The following MED13 variants were observed in gnomAD, a reference collection of about 807,000 sequenced individuals.
The protein encoded by MED13 is mediator complex subunit 13, also known as mediator of RNA polymerase II transcription subunit 13.
A neutral mutation model predicts 225.2 loss-of-function variants in MED13; 23 were observed. That is an observed-to-expected ratio of 0.10 (90% CI 0.07 to 0.14). MED13 has a LOEUF of 0.14. Ranked by LOEUF, MED13 falls within the 10% of genes least tolerant of loss-of-function variation. MED13 has a pLI of 1.00. For missense variants in MED13, 2,197 were observed against 2,594.5 expected, an observed-to-expected ratio of 0.85 and a Z score of 3.33; for synonymous variants, 942 against 889.2, an observed-to-expected ratio of 1.06 and a Z score of -1.06.
chr17:61,953,831 C>T (rs925266468), intron 26 of MED13, among the ~76,000 whole-genome samples: 2 of 152,158 alleles, frequency 1.3e-5, no homozygotes, highest in Non-Finnish European at 2.9e-5. Flanking sequence ...CTACAGTATT[C>T]CCCCTTATCC....
At chr17:62,019,695 C>A (rs1603403504) in intron 8 of MED13, among the ~76,000 whole-genome samples, 1 of 151,998 alleles carries the variant, frequency 6.6e-6, no homozygotes, top group African/African-American at 2.4e-5. Flanking sequence ...CTATACAGAC[C>A]TCTTTCTAAA....
chr17:61,970,302 A>G (rs1430634703), intron 17 of MED13, among the ~76,000 whole-genome samples: 1 of 152,210 alleles, frequency 6.6e-6, no homozygotes, highest in Non-Finnish European at 1.5e-5. Flanking sequence ...TATAATGGGA[A>G]ATAACCATTT....
rs966930431 is a variant in MED13 at position 61,951,906 on chromosome 17, C to CT, written c.6118-909dup. The stretch of plus-strand genomic sequence containing the variant: ...ATCACCAGTATATATAATTTCTTTT[C>CT]TTTTTTTTTGAGATGGAGTCTCGCT... On this transcript the variant is annotated intron_variant, in intron 27 of 29. Coordinates refer to ENST00000397786, the MANE Select transcript of MED13 (RefSeq NM_005121.3). Among the ~76,000 whole-genome samples the CT allele has an allele frequency of 4.7e-4, 71 of 151,280 alleles. 1 individual carries two copies. The highest frequency in any genetic ancestry group is 1.6e-3 in the African/African-American group (65 of 41,278).
chr17:61,966,117 A>G (rs2080055866), intron 19 of MED13, among the ~76,000 whole-genome samples: 1 of 152,230 alleles, frequency 6.6e-6, no homozygotes, highest in Non-Finnish European at 1.5e-5. Context: ...TTTTATCTCT[A>G]AACTGTAACA....
chr17:62,020,706 T>A (rs950839912), intron 8 of MED13, among the ~76,000 whole-genome samples: 1 of 146,430 alleles, frequency 6.8e-6, no homozygotes, highest in Non-Finnish European at 1.5e-5. Context: ...TTTTTTTTTT[T>A]AATTGATCAT....
chr17:61,995,280 T>C lies in MED13; in HGVS notation c.2053A>G (p.Ile685Val), dbSNP rs769609490. 6.2e-6 allele frequency: 10 copies of C among 1,613,866 alleles called. No individual in the cohort carries two copies. In the East Asian group the frequency reaches 6.7e-5, roughly 11 times the overall value. ...YQIKNQCLSAIASDAEQEPKI... is the reference protein window; with the variant it reads ...YQIKNQCLSAVASDAEQEPKI... Reference sequence around the variant, plus strand: ...GGTTCTTGTTCTGCATCAGATGCTATTGCTGAAAGACACTGGTTTTTAATT... The same window carrying C: ...GGTTCTTGTTCTGCATCAGATGCTACTGCTGAAAGACACTGGTTTTTAATT... Residue 685 changes from isoleucine to valine, a missense_variant, in exon 10 of 30, where the codon ATA becomes GTA. Ile to Val is a conservative substitution (Grantham distance 29). Coordinates refer to ENST00000397786, the MANE Select transcript of MED13 (RefSeq NM_005121.3).
Position 61,948,936 on chromosome 17 carries a change from A to G in MED13, c.6291+1889T>C, listed in dbSNP as rs1350787334. Among the ~76,000 whole-genome samples, 3 of 151,178 alleles carry G rather than the reference A, an allele frequency of 2.0e-5. No individual in the cohort carries two copies. The East Asian group carries it at 6.1e-4, about 31-fold the overall frequency. ...CCCATCTCTACTAAAAAAATACAAA[A>G]AATTAGCCGGGCGTAGTGGCGGGCG... On this transcript the variant is annotated intron_variant, in intron 28 of 29. Coordinates refer to ENST00000397786, the MANE Select transcript of MED13 (RefSeq NM_005121.3).
intron 4 of MED13, 95 bp downstream of exon 4, chr17:62,035,368 G>C: frequency 9.7e-7 from 1 of 1,034,718 alleles, no homozygotes. Flanking sequence ...CTAAAGATCA[G>C]GGGGAATTCC....
At chr17:62,040,513 T>C (rs2080844216) in intron 3 of MED13, among the ~76,000 whole-genome samples, 1 of 152,242 alleles carries the variant, frequency 6.6e-6, no homozygotes, top group African/African-American at 2.4e-5. Flanking sequence ...ACAGCAACAA[T>C]TCCATATGTA....
intron 16 of MED13, among the ~76,000 whole-genome samples, chr17:61,978,244 C>CTTTTTATTT (rs890194401): frequency 6.6e-6 from 1 of 151,054 alleles, no homozygotes; most frequent in East Asian, 1.9e-4. Flanking sequence ...TCCAAAACTG[C>CTTTTTATTT]TTTTTATTTT....
intron 8 of MED13, among the ~76,000 whole-genome samples, chr17:62,020,035 C>T (rs562857990): frequency 8.0e-4 from 122 of 152,138 alleles, no homozygotes; most frequent in African/African-American, 2.3e-3. Context: ...TGAACCACTG[C>T]GCAAGGCCAA....
At chr17:61,960,740 G>C in intron 23 of MED13, 127 bp downstream of exon 23, 1 of 578,430 alleles carries the variant, frequency 1.7e-6, no homozygotes, top group Non-Finnish European at 2.8e-6. Context: ...AAAGTAAAAA[G>C]CACCCACAAC....
At chr17:62,063,377 A>G (rs1443069811) in intron 1 of MED13, 76 bp from the exon 2 acceptor site, 3 of 929,584 alleles carry the variant, frequency 3.2e-6, no homozygotes, top group Non-Finnish European at 3.3e-6. Context: ...GATGTCTCTT[A>G]TTTCATTAAG....
At chr17:61,992,263 T>C (rs1270700615) in intron 11 of MED13, among the ~76,000 whole-genome samples, 1 of 152,050 alleles carries the variant, frequency 6.6e-6, no homozygotes, top group Non-Finnish European at 1.5e-5. Context: ...TAGAAGGGGG[T>C]GAGAAATCTA....
chr17:62,015,955 T>TATATATATATATATATATA (rs1491450985), intron 8 of MED13, among the ~76,000 whole-genome samples: 1 of 4,028 alleles, frequency 2.5e-4, no homozygotes, highest in Non-Finnish European at 4.3e-4. Context: ...TATATATATA[T>TATATATATATATATATATA]TTTTTTTTTT....
Position 61,984,313 on chromosome 17 carries a change from T to A in MED13, c.2746A>T (p.Met916Leu), listed in dbSNP as rs372621592. 5.0e-6 allele frequency: 8 copies of A among 1,606,386 alleles called. No individual in the cohort carries two copies. The African/African-American group carries it at 9.4e-5, about 19-fold the overall frequency. ...GGTAGAGTTTTTAGAGGTGCAAACA[T>A]GGAACATCCCACTAGAATTTGACAA... ...ENCQILVGCSMFAPLKTLPSQ... is the reference protein window; with the variant it reads ...ENCQILVGCSLFAPLKTLPSQ... The change falls in exon 15 of 30, where the codon ATG (methionine) becomes TTG (leucine). Residue 916 changes from methionine (M) to leucine (L), a missense_variant. By Grantham distance (15) the Met-to-Leu change is conservative. Coordinates refer to ENST00000397786, the MANE Select transcript of MED13 (RefSeq NM_005121.3).
At chr17:62,047,013 G>A (rs1390855073) in intron 3 of MED13, among the ~76,000 whole-genome samples, 2 of 149,422 alleles carry the variant, frequency 1.3e-5, no homozygotes, top group Non-Finnish European at 3.0e-5. Context: ...CCACTTCAGA[G>A]TGTGTGCCAC....
chr17:62,055,550 C>T (rs982669375), intron 2 of MED13, among the ~76,000 whole-genome samples: 10 of 150,932 alleles, frequency 6.6e-5, no homozygotes, highest in Non-Finnish European at 3.0e-5. Context: ...AGGCCATGTG[C>T]GGTGGCTCAT....
intron 3 of MED13, among the ~76,000 whole-genome samples, chr17:62,039,848 C>G (rs1460764285): frequency 3.3e-5 from 5 of 152,100 alleles, no homozygotes; most frequent in African/African-American, 9.7e-5. Flanking sequence ...ATCCGCCCAC[C>G]TTGGCATCCC....
Sources: allele counts gnomAD v4.1 joint callset (sites outside exome capture counted in the v4.1 genomes callset), GRCh38; gene constraint gnomAD v4.1.1; transcripts MANE v1.5; gene names NCBI Gene and HGNC (gene_info 2026-07-23, HGNC 2026-07-21).